PCNT: variants seen among roughly 807,000 people sequenced by gnomAD.
PCNT encodes the protein pericentrin.
PCNT carries 319 observed loss-of-function variants against 380.4 expected under a neutral mutation model. The ratio of observed to expected loss-of-function variants is 0.84; its 90% CI spans 0.77 to 0.92. The LOEUF (loss-of-function observed/expected upper bound fraction) is 0.92, where lower values mean the gene tolerates loss of function less well. PCNT is among the 40% of genes least tolerant of loss of function. The pLI, the probability that PCNT is intolerant of heterozygous loss-of-function variation, is 0.00. For synonymous variants in PCNT, 1,845 were observed against 1,735.2 expected (o/e 1.06, Z -1.57); for missense variants, 4,400 against 4,255.3 (o/e 1.03, Z -0.95).
chr21:46,335,957 C>T (rs767794287), intron 3 of PCNT, among the ~76,000 whole-genome samples: 18 of 151,830 alleles, frequency 1.2e-4, no homozygotes, highest in African/African-American at 3.9e-4. Flanking sequence ...GGATTACAGG[C>T]GTAAGCCACT....
chr21:46,419,191 C>T (rs1467048030), intron 31 of PCNT, among the ~76,000 whole-genome samples: 1 of 152,148 alleles, frequency 6.6e-6, no homozygotes, highest in Non-Finnish European at 1.5e-5. Flanking sequence ...AGAACATGGT[C>T]ACAATTTAAT....
intron 2 of PCNT, among the ~76,000 whole-genome samples, chr21:46,327,583 T>C (rs2083433767): frequency 6.6e-6 from 1 of 152,190 alleles, no homozygotes; most frequent in Non-Finnish European, 1.5e-5. Context: ...ATCTTTATTA[T>C]GTAATTTTGA....
intron 24 of PCNT, among the ~76,000 whole-genome samples, chr21:46,399,239 T>C (rs2086317458): frequency 6.6e-6 from 1 of 152,192 alleles, no homozygotes; most frequent in African/African-American, 2.4e-5. Context: ...GTTCAGCCTC[T>C]GGGTCTAGGT....
intron 13 of PCNT, 111 bp from the exon 14 acceptor site, chr21:46,363,369 G>GGT (rs1418874299): frequency 1.3e-6 from 1 of 791,192 alleles, no homozygotes; most frequent in Non-Finnish European, 2.2e-6. Flanking sequence ...CAGCGTAATG[G>GGT]GTGTGTGTGT....
In PCNT at chr21:46,416,474, C is replaced by A; in HGVS notation, c.6556C>A (p.Gln2186Lys). 6.2e-7 allele frequency: 1 copy of A among 1,614,158 alleles called. No homozygotes were observed. The highest frequency in any genetic ancestry group is 8.5e-7 in the Non-Finnish European group (1 of 1,180,036). Residue 2186 changes from glutamine (Q) to lysine (K), a missense_variant, in exon 30 of 47, where the codon CAG (glutamine) becomes AAG (lysine). Coordinates refer to ENST00000359568, the MANE Select transcript of PCNT (RefSeq NM_006031.6). ...DSPIQEKSEC[Q>K]DMSLSSPTSV... ...TCCCATTCAAGAAAAATCAGAATGT[C>A]AGGACATGTCTCTTTCTTCACCGAC...
chr21:46,428,697 G>T (rs1303037660), intron 35 of PCNT, 107 bp downstream of exon 35: 6 of 999,976 alleles, frequency 6.0e-6, no homozygotes, highest in Admixed American at 2.0e-5. Flanking sequence ...GCATCATCTA[G>T]TCAAGCCCCT....
intron 29 of PCNT, among the ~76,000 whole-genome samples, chr21:46,413,362 G>C (rs112299671): frequency 0.073 from 174 of 2,392 alleles, 8 homozygotes; most frequent in African/African-American, 0.14. Flanking sequence ...GTGTGGGGAG[G>C]GGGGAAGGCG....
chr21:46,398,475 C>T lies in PCNT; in HGVS notation c.4584+220C>T, dbSNP rs7275694. On this transcript the variant is annotated intron_variant, in intron 24 of 46. Coordinates refer to ENST00000359568, the MANE Select transcript of PCNT (RefSeq NM_006031.6). Reference sequence around the variant, plus strand: ...TGTAAGAGGTAAGACTCGGATCCCTCGTGCCTGGCACGTGGTTCCCCAGAG... The same window carrying T: ...TGTAAGAGGTAAGACTCGGATCCCTTGTGCCTGGCACGTGGTTCCCCAGAG... Among the ~76,000 whole-genome samples, 7,143 of 152,334 alleles carry T rather than the reference C, an allele frequency of 0.047. 534 individuals carry two copies. Among genetic ancestry groups the T allele is most frequent in the African/African-American group, 0.16 (6,629 of 41,548 alleles).
chr21:46,395,093 A>G (rs1218627146), intron 21 of PCNT, among the ~76,000 whole-genome samples: 1 of 152,242 alleles, frequency 6.6e-6, no homozygotes, highest in Non-Finnish European at 1.5e-5. Context: ...TCAGGTTGTG[A>G]ATGTTACCGC....
chr21:46,356,126 G>T (rs1433189033), intron 12 of PCNT, among the ~76,000 whole-genome samples: 1 of 152,226 alleles, frequency 6.6e-6, no homozygotes, highest in East Asian at 1.9e-4. Context: ...GCGGTCCCAT[G>T]GCGCCGGACA....
At position 46,444,249 on chromosome 21, in the gene PCNT, G is replaced by A. The variant is rs114883294; in HGVS notation, c.9839+301G>A. 2.4e-3 allele frequency among the ~76,000 whole-genome samples: 366 copies of A among 152,296 alleles called. 1 individual carries two copies. The highest frequency in any genetic ancestry group is 8.1e-3 in the African/African-American group (335 of 41,564). On this transcript the variant is annotated intron_variant, in intron 45 of 46. Coordinates refer to ENST00000359568, the MANE Select transcript of PCNT (RefSeq NM_006031.6). Reference sequence around the variant, plus strand: ...TGGTGAAGAAGGCATGTTCCCTGCCGTGAAGATACTTGGAAGCTCTGGGTG... The same window carrying A: ...TGGTGAAGAAGGCATGTTCCCTGCCATGAAGATACTTGGAAGCTCTGGGTG...
rs1470839452 is a variant in PCNT at position 46,440,128 on chromosome 21, A to G, written c.9319A>G (p.Ser3107Gly). The change falls in exon 42 of 47, where the codon AGT (serine) becomes GGT (glycine). Residue 3107 changes from serine (S) to glycine (G), a missense_variant. Transcript: ENST00000359568. ...GAAGCCAGACGAAACGGCTCCACAG[A>G]GTTCCCTGAGGCGCCCAGACCCCGG... ...AWKPDETAPQ[S>G]SLRRPDPGRL... 1.9e-6 allele frequency: 3 copies of G among 1,613,982 alleles called. No individual in the cohort carries two copies. Among genetic ancestry groups the G allele is most frequent in the Non-Finnish European group, 2.5e-6 (3 of 1,179,974 alleles).
chr21:46,354,760 T>C (rs896534308), intron 11 of PCNT, among the ~76,000 whole-genome samples: 13 of 152,168 alleles, frequency 8.5e-5, no homozygotes, highest in Non-Finnish European at 1.9e-4. Context: ...CTGGGCCTGC[T>C]GGAGGCCACA....
intron 30 of PCNT, among the ~76,000 whole-genome samples, chr21:46,417,856 T>C (rs1218962763): frequency 3.9e-5 from 6 of 152,198 alleles, no homozygotes; most frequent in South Asian, 2.1e-4. Flanking sequence ...TGAGCCAAGA[T>C]TGAACCACTG....
intron 13 of PCNT, among the ~76,000 whole-genome samples, chr21:46,358,084 TCC>T (rs1469650711): frequency 6.6e-6 from 1 of 151,940 alleles, no homozygotes; most frequent in African/African-American, 2.4e-5. Flanking sequence ...CAGCTCAGGG[TCC>T]GTCCCATGCC....
chr21:46,398,169 T>C (rs1006472330), intron 23 of PCNT, 39 bp downstream of exon 23: 68 of 1,606,510 alleles, frequency 4.2e-5, no homozygotes, highest in Non-Finnish European at 5.5e-5. Context: ...GGTTGCTGTC[T>C]TTCACTGTGT....
At chr21:46,397,208 T>C (rs1402922710) in intron 21 of PCNT, 57 bp from the exon 22 acceptor site, 1 of 1,341,520 alleles carries the variant, frequency 7.5e-7, no homozygotes, top group African/African-American at 1.4e-5. Flanking sequence ...GCACGTGTCA[T>C]GCACCAGCCT....
At chr21:46,366,529 G>A (rs1213501994) in intron 14 of PCNT, 55 bp from the exon 15 acceptor site, 1 of 1,472,364 alleles carries the variant, frequency 6.8e-7, no homozygotes, top group African/African-American at 1.4e-5. Context: ...CTTTTGCAAG[G>A]GTCATTGCTT....
chr21:46,327,348 C>T (rs1011771731), intron 2 of PCNT, among the ~76,000 whole-genome samples: 6 of 151,820 alleles, frequency 4.0e-5, no homozygotes, highest in East Asian at 3.9e-4. Context: ...CATGAGCCAC[C>T]GTGCCCGGCC....
Sources: allele counts gnomAD v4.1 joint callset (sites outside exome capture counted in the v4.1 genomes callset), GRCh38; gene constraint gnomAD v4.1.1; transcripts MANE v1.5; gene names NCBI Gene and HGNC (gene_info 2026-07-23, HGNC 2026-07-21).